SYMPK: variants seen among roughly 807,000 people sequenced by gnomAD.
The protein encoded by SYMPK is symplekin scaffold protein, also known as symplekin.
SYMPK carries 49 observed loss-of-function variants against 136.4 expected under a neutral mutation model. The observed-to-expected ratio is 0.36, with a 90% confidence interval of 0.29 to 0.46. The LOEUF is 0.46. SYMPK is among the 20% of genes least tolerant of loss of function. The pLI is 1.00. For synonymous variants in SYMPK, 766 were observed against 713.0 expected, an observed-to-expected ratio of 1.07 and a Z score of -1.19; for missense variants, 1,365 against 1,690.0, an observed-to-expected ratio of 0.81 and a Z score of 3.37.
Position 45,815,708 on chromosome 19 carries a change from G to A in SYMPK, c.3688-11C>T, listed in dbSNP as rs759443054. 10 of 1,607,970 alleles carry A rather than the reference G, an allele frequency of 6.2e-6. No individual in the cohort carries two copies. Among genetic ancestry groups the A allele is most frequent in the Non-Finnish European group, 3.4e-6 (4 of 1,177,966 alleles). On this transcript the variant is annotated splice_polypyrimidine_tract_variant and intron_variant, in intron 26 of 26. Coordinates refer to ENST00000245934, the MANE Select transcript of SYMPK (RefSeq NM_004819.3). Reference sequence around the variant, plus strand: ...GCCCGCTGCCGTCTCCTGGTGACCGGGGAAGGAAAGGGCAGCCGGGTGGAG... The same window carrying A: ...GCCCGCTGCCGTCTCCTGGTGACCGAGGAAGGAAAGGGCAGCCGGGTGGAG...
intron 9 of SYMPK, among the ~76,000 whole-genome samples, chr19:45,840,795 A>AT (rs1971416975): frequency 6.6e-6 from 1 of 151,974 alleles, no homozygotes; most frequent in South Asian, 2.1e-4. Flanking sequence ...GTGAGCCCAG[A>AT]TTACACCACT....
rs1029094050 is a variant in SYMPK at position 45,821,891 on chromosome 19, G to A, written c.2792-406C>T. On this transcript the variant is annotated intron_variant, in intron 21 of 26. Transcript: ENST00000245934. This position sits in a 1 kb window ranked among gnomAD's most constrained non-coding sequence, Gnocchi z 4.4. ...GAGCCAGGCTACAGGCTTCCAAAAA[G>A]TGGCTGGAGCCTTCTGCTGTGTGGG... Among the ~76,000 whole-genome samples, 4 of 152,156 alleles carry A rather than the reference G, an allele frequency of 2.6e-5. No individual in the cohort carries two copies. Among genetic ancestry groups the A allele is most frequent in the Non-Finnish European group, 4.4e-5 (3 of 68,034 alleles).
chr19:45,830,261 C>G, intron 12 of SYMPK, 57 bp from the exon 13 acceptor site: 2 of 1,551,472 alleles, frequency 1.3e-6, no homozygotes, highest in Non-Finnish European at 1.8e-6. Context: ...AAAGGCCTGT[C>G]TGGTGACTCT....
At chr19:45,817,284 A>AG (rs949249575) in intron 23 of SYMPK, among the ~76,000 whole-genome samples, 1 of 152,054 alleles carries the variant, frequency 6.6e-6, no homozygotes, top group African/African-American at 2.4e-5. Flanking sequence ...GGCAGCCTCC[A>AG]GGGGGCGAAA....
intron 17 of SYMPK, 65 bp from the exon 18 acceptor site, chr19:45,825,396 G>A: frequency 6.4e-7 from 1 of 1,555,808 alleles, no homozygotes; most frequent in Non-Finnish European, 8.7e-7. Flanking sequence ...GGACCCTCAG[G>A]AATGTCCCTT....
intron 18 of SYMPK, 41 bp from the exon 19 acceptor site, chr19:45,823,916 CT>C: frequency 6.4e-7 from 1 of 1,550,510 alleles, no homozygotes; most frequent in Non-Finnish European, 8.8e-7. Flanking sequence ...AGGGTGAGAG[CT>C]TAGGGGAGGG....
chr19:45,816,455 C>T (rs370459961), intron 25 of SYMPK, 27 bp downstream of exon 25: 60 of 1,600,762 alleles, frequency 3.7e-5, no homozygotes, highest in Non-Finnish European at 5.0e-5. Context: ...TCTGGGGATC[C>T]AGATGGGTGG....
chr19:45,851,056 T>C (rs983937484), intron 5 of SYMPK, among the ~76,000 whole-genome samples: 1 of 151,968 alleles, frequency 6.6e-6, no homozygotes, highest in Non-Finnish European at 1.5e-5. Flanking sequence ...AGAAGTGAGA[T>C]GAAGCCGAAG....
At chr19:45,847,423 CAAA>C (rs200632491) in intron 7 of SYMPK, among the ~76,000 whole-genome samples, 3 of 127,686 alleles carry the variant, frequency 2.3e-5, no homozygotes, top group Admixed American at 1.6e-4. Flanking sequence ...GACTCCATCT[CAAA>C]AAAAAAAAAA....
In SYMPK at chr19:45,830,062, C is replaced by T. The variant is rs747342691; in HGVS notation, c.1741G>A (p.Ala581Thr). ...RAEKAVACSG[A>T]AQVRIKILAS... ...GGGTGGCAGGCGCACACCTGGGCTG[C>T]CCCGCTGCAGGCCACAGCCTTCTCA... Residue 581 changes from alanine to threonine, a missense_variant, in exon 13 of 27, where the codon GCA (alanine) becomes ACA (threonine). Ala to Thr is a moderately conservative substitution (Grantham distance 58). Around this residue, in one of 11 missense-constraint regions of SYMPK, gnomAD observed 303 missense variants for 326.6 expected, o/e 0.93. Transcript: ENST00000245934. 7 of 1,551,824 alleles carry T rather than the reference C, an allele frequency of 4.5e-6. No homozygotes were observed. Among genetic ancestry groups the T allele is most frequent in the Admixed American group, 2.0e-5 (1 of 51,186 alleles).
rs1244234642 is a variant in SYMPK, at chr19:45,842,232, C to A, written c.1087+18G>T. ...TTTCAGCATGGTCTGCCTGCCCCAC[C>A]CCACCAGCCCCTCTCACCCAGCTTC... On this transcript the variant is annotated intron_variant, in intron 9 of 26. Transcript: ENST00000245934. 2 of 1,613,390 alleles carry A rather than the reference C, an allele frequency of 1.2e-6. No homozygotes were observed. Among genetic ancestry groups the A allele is most frequent in the Non-Finnish European group, 1.7e-6 (2 of 1,179,420 alleles).
chr19:45,854,731 A>C, intron 1 of SYMPK: 1 of 535,172 alleles, frequency 1.9e-6, no homozygotes, highest in Non-Finnish European at 3.4e-6. Flanking sequence ...CCCAAGGCAG[A>C]GCCAGAAGTC....
At chr19:45,834,271 C>A (rs1420436716) in intron 11 of SYMPK, among the ~76,000 whole-genome samples, 2 of 149,234 alleles carry the variant, frequency 1.3e-5, no homozygotes, top group East Asian at 3.9e-4. Context: ...CTGGGTGACA[C>A]TGCAAGACTG....
chr19:45,838,588 T>C lies in SYMPK; in HGVS notation c.1115A>G (p.Asp372Gly). 6 of 1,614,082 alleles carry C rather than the reference T, an allele frequency of 3.7e-6. No individual in the cohort carries two copies. Among genetic ancestry groups the C allele is most frequent in the Non-Finnish European group, 5.1e-6 (6 of 1,179,948 alleles). The change falls in exon 10 of 27, where the codon GAC becomes GGC. Residue 372 changes from aspartate (D) to glycine (G), a missense_variant. Physicochemically the swap from Asp to Gly is moderately conservative, Grantham distance 94. Transcript: ENST00000245934. ...LEPNLGEDDE[D>G]KDLEPGPSGT... is the part of the protein sequence containing the mutation. ...CGACGGGCCTGGCTCCAAGTCTTTG[T>C]CCTCATCGTCCTCCCCCAGGTTGGG...
intron 22 of SYMPK, chr19:45,819,353 G>A (rs141333553): frequency 6.6e-6 from 1 of 152,658 alleles, no homozygotes; most frequent in African/African-American, 2.4e-5. Flanking sequence ...GCAGGCCCCA[G>A]GGGCACCTTT....
rs1019022017 is a variant in SYMPK at position 45,821,930 on chromosome 19, G to C, written c.2792-445C>G. Among the ~76,000 whole-genome samples the C allele has an allele frequency of 6.6e-6, 1 of 152,106 alleles. No homozygotes were observed. Among genetic ancestry groups the C allele is most frequent in the Non-Finnish European group, 1.5e-5 (1 of 68,030 alleles). ...CTGCTGTGTGGGGCCTGGGGGAGTG[G>C]AGGGGAGGCTGGTGGAGTGGCTCTT... is the stretch of plus-strand genomic sequence containing the variant. On this transcript the variant is annotated intron_variant, in intron 21 of 26. Transcript: ENST00000245934. The surrounding 1 kb of genome is among the most constrained non-coding windows in gnomAD (Gnocchi z 4.4).
Position 45,816,906 on chromosome 19 carries a change from G to A in SYMPK, c.3150C>T (p.Phe1050=), listed in dbSNP as rs147142432. 2 of 1,555,710 alleles carry A rather than the reference G, an allele frequency of 1.3e-6. No homozygotes were observed. Among genetic ancestry groups the A allele is most frequent in the Admixed American group, 2.0e-5 (1 of 51,278 alleles). Residue 1050 remains phenylalanine (F), a synonymous_variant, in exon 24 of 27, where the codon TTC becomes TTT. Coordinates refer to ENST00000245934, the MANE Select transcript of SYMPK (RefSeq NM_004819.3). ...KCCQRTKPQS[F]QVILQLPPQQ... is the part of the protein sequence containing the mutation. ...GGGGCGGCAGCTGCAGGATGACCTG[G>A]AAGCTCTGGGGCTTTGTGCGCTGGC...
At chr19:45,850,680 C>T (rs975254373) in intron 5 of SYMPK, among the ~76,000 whole-genome samples, 4 of 152,166 alleles carry the variant, frequency 2.6e-5, no homozygotes, top group African/African-American at 4.8e-5. Context: ...AACTCATTCA[C>T]GTGTGCAACA....
chr19:45,834,281 G>A (rs1392324667), intron 11 of SYMPK, among the ~76,000 whole-genome samples: 4 of 151,142 alleles, frequency 2.6e-5, no homozygotes, highest in East Asian at 3.9e-4. Context: ...CTGCAAGACT[G>A]TGTCTCAAAA....
Sources: gnomAD v4.1 joint callset for allele counts (sites outside exome capture counted in the v4.1 genomes callset) on GRCh38, gnomAD v4.1.1 for gene constraint, gnomAD v4.1.1 regional missense constraint, Gnocchi (gnomAD v3.1) non-coding constraint, MANE v1.5 for transcripts, NCBI Gene and HGNC (gene_info 2026-07-23, HGNC 2026-07-21) for gene names.